Variants in NCAM2 observed in about 807,000 individuals in gnomAD.
The protein encoded by NCAM2 is N-CAM-2.
A neutral mutation model predicts 98.1 loss-of-function variants in NCAM2; 30 were observed. The ratio of observed to expected loss-of-function variants is 0.31; its 90% CI spans 0.23 to 0.41. The LOEUF is 0.41. Among genes scored for constraint, NCAM2 ranks in the 10% least tolerant of loss-of-function variants. The pLI is 1.00. For missense variants in NCAM2, 867 were observed against 1,005.8 expected, an observed-to-expected ratio of 0.86 and a Z score of 1.87; for synonymous variants, 368 against 342.4, an observed-to-expected ratio of 1.07 and a Z score of -0.83.
chr21:21,041,223 A>G (rs1241376814), intron 1 of NCAM2, among the ~76,000 whole-genome samples: 1 of 152,176 alleles, frequency 6.6e-6, no homozygotes, highest in African/African-American at 2.4e-5. Context: ...ACAAAATAAG[A>G]TCATTTCTCT....
chr21:21,434,341 C>T (rs1247247932), intron 12 of NCAM2, among the ~76,000 whole-genome samples: 1 of 152,074 alleles, frequency 6.6e-6, no homozygotes, highest in East Asian at 1.9e-4. Flanking sequence ...GTTTAGTGGC[C>T]TCAGACTGGG....
At chr21:21,519,297 G>A (rs906803514) in intron 16 of NCAM2, among the ~76,000 whole-genome samples, 1 of 152,064 alleles carries the variant, frequency 6.6e-6, no homozygotes, top group Admixed American at 6.6e-5. Context: ...ATAGGTTTAG[G>A]GGAATGATTT....
At chr21:21,188,945 A>C (rs1163892325) in intron 1 of NCAM2, among the ~76,000 whole-genome samples, 1 of 152,220 alleles carries the variant, frequency 6.6e-6, no homozygotes, top group Admixed American at 6.5e-5. Context: ...AAAGTATAAA[A>C]GTAAGGCAGA....
At chr21:21,205,817 G>A (rs1399977148) in intron 1 of NCAM2, among the ~76,000 whole-genome samples, 3 of 152,012 alleles carry the variant, frequency 2.0e-5, no homozygotes, top group Non-Finnish European at 2.9e-5. Context: ...TATCTGGCGA[G>A]GATCAGTCTT....
chr21:21,247,082 G>A (rs926658228), intron 1 of NCAM2, among the ~76,000 whole-genome samples: 1 of 151,872 alleles, frequency 6.6e-6, no homozygotes, highest in Non-Finnish European at 1.5e-5. Context: ...CACTTTGGGA[G>A]GCTGAGGCGG....
chr21:21,308,741 T>C (rs562545895), intron 5 of NCAM2, among the ~76,000 whole-genome samples: 3 of 152,310 alleles, frequency 2.0e-5, no homozygotes, highest in Admixed American at 6.5e-5. Flanking sequence ...ATTTCACATA[T>C]ATAGGCTACT....
chr21:21,510,823 C>G (rs902073876), intron 16 of NCAM2, among the ~76,000 whole-genome samples: 1 of 151,928 alleles, frequency 6.6e-6, no homozygotes, highest in Non-Finnish European at 1.5e-5. Flanking sequence ...TAGCTATTAT[C>G]AGTGTACAGT....
chr21:21,224,477 G>C (rs2070300020), intron 1 of NCAM2, among the ~76,000 whole-genome samples: 1 of 152,020 alleles, frequency 6.6e-6, no homozygotes, highest in African/African-American at 2.4e-5. Context: ...TTAAATAATT[G>C]TTTGTACAAA....
chr21:21,446,099 T>C (rs1980093635), intron 12 of NCAM2, among the ~76,000 whole-genome samples: 1 of 152,104 alleles, frequency 6.6e-6, no homozygotes, highest in Admixed American at 6.6e-5. Flanking sequence ...GATGCTTAGT[T>C]TGGCCGGGTA....
At chr21:21,393,325 AC>A (rs1259782688) in intron 9 of NCAM2, among the ~76,000 whole-genome samples, 4 of 152,122 alleles carry the variant, frequency 2.6e-5, no homozygotes, top group Non-Finnish European at 5.9e-5. Context: ...TTGTATCAGT[AC>A]CATGCTGTTT....
intron 1 of NCAM2, among the ~76,000 whole-genome samples, chr21:21,186,125 C>T (rs2068633424): frequency 6.6e-6 from 1 of 151,978 alleles, no homozygotes. Context: ...AGCATTATGA[C>T]ATAGACAAAA....
chr21:21,448,336 G>A (rs977638434), intron 12 of NCAM2, among the ~76,000 whole-genome samples: 12 of 151,916 alleles, frequency 7.9e-5, no homozygotes, highest in African/African-American at 2.7e-4. Flanking sequence ...AGTGGGAGAT[G>A]AACAATGAGA....
Position 21,338,424 on chromosome 21 carries a change from A to G in NCAM2, c.934A>G (p.Thr312Ala), listed in dbSNP as rs1223203056. The change falls in exon 8 of 18, where the codon ACA becomes GCA. Residue 312 changes from threonine (T) to alanine (A), a missense_variant. This residue lies in a region of NCAM2 where 447 missense variants were observed against 495.7 expected (regional missense o/e 0.90). Coordinates refer to ENST00000400546, the MANE Select transcript of NCAM2 (RefSeq NM_004540.5). ...CATAATACAGCTTAAAAATGAAACT[A>G]CATATGAGAATGGTCAAGTCACACT... ...PHIIQLKNET[T>A]YENGQVTLVC... is the part of the protein sequence containing the mutation. 1 of 1,612,372 alleles carries G rather than the reference A, an allele frequency of 6.2e-7. No homozygotes were observed. Among genetic ancestry groups the G allele is most frequent in the Non-Finnish European group, 8.5e-7 (1 of 1,178,908 alleles).
intron 1 of NCAM2, among the ~76,000 whole-genome samples, chr21:21,272,272 G>T (rs1311541349): frequency 6.6e-6 from 1 of 152,060 alleles, no homozygotes; most frequent in East Asian, 1.9e-4. Flanking sequence ...CTCTGAAATG[G>T]CACCTGAGAT....
intron 15 of NCAM2, among the ~76,000 whole-genome samples, chr21:21,508,420 CTT>C (rs1988125823): frequency 6.6e-6 from 1 of 152,014 alleles, no homozygotes. Flanking sequence ...TTATTTAACA[CTT>C]TTCACAGAAG....
intron 1 of NCAM2, among the ~76,000 whole-genome samples, chr21:21,162,998 T>C (rs2067833743): frequency 6.6e-6 from 1 of 152,186 alleles, no homozygotes. Flanking sequence ...GAAGTCCCAA[T>C]TGCTTACTCA....
At chr21:21,009,982 G>A (rs931159787) in intron 1 of NCAM2, among the ~76,000 whole-genome samples, 2 of 149,448 alleles carry the variant, frequency 1.3e-5, no homozygotes, top group African/African-American at 4.9e-5. Flanking sequence ...AAGTTTATTG[G>A]ACGGAGTACA....
chr21:21,269,407 G>C (rs533930897), intron 1 of NCAM2, among the ~76,000 whole-genome samples: 1 of 152,120 alleles, frequency 6.6e-6, no homozygotes, highest in Non-Finnish European at 1.5e-5. Flanking sequence ...CATCTCCTCA[G>C]TGAGTCCATG....
intron 1 of NCAM2, among the ~76,000 whole-genome samples, chr21:21,271,872 C>T (rs900875209): frequency 6.6e-6 from 1 of 152,000 alleles, no homozygotes; most frequent in Non-Finnish European, 1.5e-5. Flanking sequence ...GGAAGGGGAA[C>T]ATCACACACC....
Sources: allele counts gnomAD v4.1 joint callset (sites outside exome capture counted in the v4.1 genomes callset), GRCh38; gene constraint gnomAD v4.1.1; regional missense constraint gnomAD v4.1.1; transcripts MANE v1.5; gene names NCBI Gene and HGNC (gene_info 2026-07-23, HGNC 2026-07-21).